CDH23: variants seen among roughly 807,000 people sequenced by gnomAD.
The protein encoded by CDH23 is cadherin-23.
In CDH23, 189 loss-of-function variants were observed where a neutral mutation model predicts 317.1. The observed-to-expected ratio is 0.60, with a 90% CI of 0.53 to 0.67. The LOEUF (loss-of-function observed/expected upper bound fraction) is 0.67, where lower values mean the gene tolerates loss of function less well. Among genes scored for constraint, CDH23 ranks in the 30% least tolerant of loss-of-function variants. The pLI is 0.00. For missense variants in CDH23, 4,401 were observed against 4,592.4 expected, an observed-to-expected ratio of 0.96 and a Z score of 1.20; for synonymous variants, 1,839 against 1,876.8, an observed-to-expected ratio of 0.98 and a Z score of 0.52.
In CDH23 at chr10:71,568,977, C is replaced by T. The variant is rs577977199; in HGVS notation, c.625-1813C>T. On this transcript the variant is annotated intron_variant, in intron 7 of 69. Transcript: ENST00000224721. ...ACAAAAGCCAGCTGCCTGCAAAAGC[C>T]TGGTTATGGCAAATCAGAGCCACTG... Among the ~76,000 whole-genome samples the T allele has an allele frequency of 5.3e-5, 8 of 152,344 alleles. No homozygotes were observed. The South Asian group carries it at 1.2e-3, about 24-fold the overall frequency.
chr10:71,524,681 C>A (rs1354042428), intron 6 of CDH23, among the ~76,000 whole-genome samples: 1 of 152,092 alleles, frequency 6.6e-6, no homozygotes, highest in Non-Finnish European at 1.5e-5. Flanking sequence ...TCTGTAATCA[C>A]CAGGGTCCTT....
At chr10:71,739,309 A>G (rs1257998232) in intron 35 of CDH23, among the ~76,000 whole-genome samples, 2 of 152,106 alleles carry the variant, frequency 1.3e-5, no homozygotes, top group Non-Finnish European at 1.5e-5. Context: ...GAGTCCAGGT[A>G]ATGCCGCAGC....
At chr10:71,525,478 T>C (rs1269452769) in intron 6 of CDH23, among the ~76,000 whole-genome samples, 2 of 152,166 alleles carry the variant, frequency 1.3e-5, no homozygotes, top group African/African-American at 4.8e-5. Flanking sequence ...AGTGGGAAGC[T>C]GGTGGTTTTT....
intron 19 of CDH23, among the ~76,000 whole-genome samples, chr10:71,688,977 G>GT (rs1564733711): frequency 4.1e-5 from 1 of 24,190 alleles, no homozygotes; most frequent in African/African-American, 1.4e-4. Flanking sequence ...GGAGTCCAGG[G>GT]GTGGTGGAGT....
chr10:71,473,467 GC>G (rs1589115277), intron 3 of CDH23, among the ~76,000 whole-genome samples: 1 of 152,192 alleles, frequency 6.6e-6, no homozygotes, highest in East Asian at 1.9e-4. Context: ...CATCCAGAGT[GC>G]CCCTTTTGGG....
At chr10:71,403,801 T>C (rs1847969933) in intron 1 of CDH23, among the ~76,000 whole-genome samples, 1 of 152,040 alleles carries the variant, frequency 6.6e-6, no homozygotes, top group Admixed American at 6.6e-5. Flanking sequence ...TTAAAAATTA[T>C]TTAATGGGCC....
intron 9 of CDH23, among the ~76,000 whole-genome samples, chr10:71,609,275 T>A (rs901336722): frequency 1.4e-5 from 2 of 138,772 alleles, no homozygotes; most frequent in African/African-American, 2.7e-5. Flanking sequence ...CTGCAGCCCC[T>A]CCCAGTCCAC....
intron 14 of CDH23, among the ~76,000 whole-genome samples, chr10:71,663,537 C>T (rs989897488): frequency 6.6e-6 from 1 of 152,250 alleles, no homozygotes; most frequent in Non-Finnish European, 1.5e-5. Context: ...CATCCTTGGA[C>T]TTTTAACCTC....
At chr10:71,757,794 A>C (rs1279545653) in intron 38 of CDH23, among the ~76,000 whole-genome samples, 2 of 152,168 alleles carry the variant, frequency 1.3e-5, no homozygotes, top group Non-Finnish European at 2.9e-5. Flanking sequence ...CTGGTTTCCC[A>C]GGGAGGAAGC....
At chr10:71,416,134 C>T (rs962344375) in intron 1 of CDH23, among the ~76,000 whole-genome samples, 1 of 152,202 alleles carries the variant, frequency 6.6e-6, no homozygotes, top group Non-Finnish European at 1.5e-5. Context: ...AAGCAATTCT[C>T]CTGCCTCAGC....
At chr10:71,509,641 T>G (rs116313913) in intron 3 of CDH23, among the ~76,000 whole-genome samples, 1,978 of 152,280 alleles carry the variant, frequency 0.013, 40 homozygotes, top group African/African-American at 0.041. Context: ...GGTCACATGC[T>G]CATCCCTGAA....
Position 71,732,098 on chromosome 10 carries a change from A to C in CDH23, c.3827A>C (p.Lys1276Thr). 6.2e-7 allele frequency: 1 copy of C among 1,614,048 alleles called. No homozygotes were observed. The highest frequency in any genetic ancestry group is 8.5e-7 in the Non-Finnish European group (1 of 1,179,896). ...ITVNYLDYET[K>T]TSYMMNVSAT... ...GTGAATTACCTGGACTACGAGACCA[A>C]GACCAGCTACATGATGAATGTGTCG... Residue 1276 changes from lysine (K) to threonine (T), a missense_variant, in exon 32 of 70, where the codon AAG (lysine) becomes ACG (threonine). By Grantham distance (78) the Lys-to-Thr change is moderately conservative (BLOSUM62 -1). Around this residue, in one of 3 missense-constraint regions of CDH23, gnomAD observed 3,068 missense variants for 3,203.3 expected, o/e 0.96. Coordinates refer to ENST00000224721, the MANE Select transcript of CDH23 (RefSeq NM_022124.6).
intron 32 of CDH23, chr10:71,732,764 C>G: frequency 9.6e-7 from 1 of 1,045,902 alleles, no homozygotes; most frequent in Non-Finnish European, 1.2e-6. Context: ...TTTTCACACC[C>G]ATCACAGATC....
intron 3 of CDH23, among the ~76,000 whole-genome samples, chr10:71,478,534 A>C (rs1378044833): frequency 6.6e-6 from 1 of 152,140 alleles, no homozygotes; most frequent in Non-Finnish European, 1.5e-5. Flanking sequence ...TGCATGATAG[A>C]GCTTGTCACT....
chr10:71,629,132 G>T (rs1201201931), intron 11 of CDH23, among the ~76,000 whole-genome samples: 1 of 152,210 alleles, frequency 6.6e-6, no homozygotes, highest in Non-Finnish European at 1.5e-5. Context: ...ACAAATATTT[G>T]TTGAACACCT....
intron 14 of CDH23, among the ~76,000 whole-genome samples, chr10:71,652,720 A>C (rs1011764180): frequency 1.3e-5 from 2 of 152,198 alleles, no homozygotes; most frequent in African/African-American, 4.8e-5. Flanking sequence ...TGGAAATGTC[A>C]GCAAGTCATG....
At position 71,490,103 on chromosome 10, in the gene CDH23, G is replaced by A. The variant is rs555575231; in HGVS notation, c.146-19979G>A. Reference sequence around the variant, plus strand: ...CCTTTTCTCCTCTTTTCTGGGCCCCGGGGACTGTAATAATGAAAACTTGGG... The same window carrying A: ...CCTTTTCTCCTCTTTTCTGGGCCCCAGGGACTGTAATAATGAAAACTTGGG... On this transcript the variant is annotated intron_variant, in intron 3 of 69. Transcript: ENST00000224721. Among the ~76,000 whole-genome samples the A allele has an allele frequency of 3.1e-3, 466 of 152,152 alleles. 6 individuals are homozygous for A. Among genetic ancestry groups the A allele is most frequent in the South Asian group, 0.013 (61 of 4,812 alleles).
chr10:71,425,122 G>A (rs968801913), intron 1 of CDH23, among the ~76,000 whole-genome samples: 1 of 151,738 alleles, frequency 6.6e-6, no homozygotes, highest in African/African-American at 2.4e-5. Flanking sequence ...GAGTGCAGAA[G>A]GGGTGTCTGT....
At chr10:71,623,950 C>T (rs1272612151) in intron 11 of CDH23, among the ~76,000 whole-genome samples, 3 of 152,192 alleles carry the variant, frequency 2.0e-5, no homozygotes, top group African/African-American at 4.8e-5. Flanking sequence ...GTTCTTCTTC[C>T]GCATTCAGGT....
Sources: allele counts gnomAD v4.1 joint callset (sites outside exome capture counted in the v4.1 genomes callset), GRCh38; gene constraint gnomAD v4.1.1; regional missense constraint gnomAD v4.1.1; transcripts MANE v1.5; gene names NCBI Gene and HGNC (gene_info 2026-07-23, HGNC 2026-07-21).